Variants in TRAPPC3 observed in about 807,000 individuals in gnomAD.
TRAPPC3 encodes the protein trafficking protein particle complex subunit 3, also known as trafficking protein particle complex 3.
Under a neutral mutation model 18.2 loss-of-function variants are expected in TRAPPC3, and 5 were observed. The observed-to-expected ratio is 0.28, with a 90% CI of 0.14 to 0.58. TRAPPC3 has a LOEUF of 0.58. TRAPPC3 is among the 20% of genes least tolerant of loss of function. The pLI is 0.91. For missense variants in TRAPPC3, 176 were observed against 225.9 expected (o/e 0.78, Z 1.41); for synonymous variants, 65 against 84.2 (o/e 0.77, Z 1.25).
chr1:36,139,065 A>G (rs2124142348), intron 3 of TRAPPC3, among the ~76,000 whole-genome samples: 1 of 151,904 alleles, frequency 6.6e-6, no homozygotes, highest in African/African-American at 2.4e-5. Flanking sequence ...AAAAAAAAAA[A>G]AGATGAGGTC....
chr1:36,142,182 G>C (rs929422289), intron 1 of TRAPPC3, among the ~76,000 whole-genome samples: 6 of 114,770 alleles, frequency 5.2e-5, no homozygotes, highest in African/African-American at 1.6e-4. Flanking sequence ...AAGAAAGTCA[G>C]TTTCAGGATC....
At chr1:36,142,504 C>T (rs954668417) in intron 1 of TRAPPC3, among the ~76,000 whole-genome samples, 3 of 152,208 alleles carry the variant, frequency 2.0e-5, no homozygotes, top group Non-Finnish European at 2.9e-5. Context: ...TTATCAAGCA[C>T]CTTATACATG....
At chr1:36,152,971 T>A (rs1165036990), upstream of TRAPPC3, among the ~76,000 whole-genome samples, 1 of 152,112 alleles carries the variant, frequency 6.6e-6, no homozygotes, top group Non-Finnish European at 1.5e-5. Context: ...ATATTTCTGA[T>A]CCCCATTCTG....
At chr1:36,143,602 GCAC>G (rs564798380) in intron 1 of TRAPPC3, among the ~76,000 whole-genome samples, 108 of 152,252 alleles carry the variant, frequency 7.1e-4, no homozygotes, top group African/African-American at 2.5e-3. Context: ...CTGAACATAA[GCAC>G]CACATCTCCG....
At chr1:36,139,245 G>C (rs898104305) in intron 3 of TRAPPC3, among the ~76,000 whole-genome samples, 1 of 138,296 alleles carries the variant, frequency 7.2e-6, no homozygotes, top group Non-Finnish European at 1.5e-5. Flanking sequence ...TGCAACCTCC[G>C]CCTCCTGGGT....
At chr1:36,149,160 TCTC>T (rs1296465671) in intron 1 of TRAPPC3, 174 bp downstream of exon 1, 3 of 1,467,340 alleles carry the variant, frequency 2.0e-6, no homozygotes, top group African/African-American at 1.4e-5. Flanking sequence ...CCGGGGAACT[TCTC>T]CGACGGTCCC....
chr1:36,142,769 C>T (rs904643455), intron 1 of TRAPPC3, among the ~76,000 whole-genome samples: 4 of 152,306 alleles, frequency 2.6e-5, no homozygotes, highest in Admixed American at 2.6e-4. Context: ...GTGGCTCATA[C>T]TGGTAATCCC....
chr1:36,138,244 A>T (rs1394837683), intron 3 of TRAPPC3: 1 of 1,540,118 alleles, frequency 6.5e-7, no homozygotes, highest in Non-Finnish European at 8.7e-7. Flanking sequence ...TAGGCATCAT[A>T]CAAGTAAGCA....
At chr1:36,154,350 A>G (rs937822265), upstream of TRAPPC3, among the ~76,000 whole-genome samples, 3 of 152,110 alleles carry the variant, frequency 2.0e-5, no homozygotes, top group African/African-American at 7.2e-5. Context: ...ACTCCCATCC[A>G]TCCATCCATC....
At position 36,137,327 on chromosome 1, in the gene TRAPPC3, G is replaced by T; in HGVS notation, c.424-5C>A. The T allele has an allele frequency of 6.2e-7, 1 of 1,607,226 alleles. No homozygotes were observed. Among genetic ancestry groups the T allele is most frequent in the South Asian group, 1.1e-5 (1 of 90,920 alleles). On this transcript the variant is annotated splice_polypyrimidine_tract_variant and splice_region_variant and intron_variant, in intron 4 of 4. Coordinates refer to ENST00000373166, the MANE Select transcript of TRAPPC3 (RefSeq NM_014408.5). ...GGCCTCCACAGCCATCTGGACCTGG[G>T]GGACAGTGGGAAAACGAAGGGGTAG...
At chr1:36,143,263 G>C (rs1210201024) in intron 1 of TRAPPC3, among the ~76,000 whole-genome samples, 1 of 151,772 alleles carries the variant, frequency 6.6e-6, no homozygotes, top group East Asian at 1.9e-4. Context: ...TGGGGGGGTG[G>C]TTAATTTTAA....
upstream of TRAPPC3, among the ~76,000 whole-genome samples, chr1:36,151,420 CTTT>C (rs1449507884): frequency 1.3e-5 from 2 of 151,936 alleles, no homozygotes; most frequent in African/African-American, 2.4e-5. Context: ...TGTTTATTTA[CTTT>C]TTTAACAAAA....
chr1:36,151,833 C>T (rs1370048891), upstream of TRAPPC3, among the ~76,000 whole-genome samples: 2 of 152,192 alleles, frequency 1.3e-5, no homozygotes, highest in Admixed American at 6.5e-5. Flanking sequence ...AGACTCTCTC[C>T]TGGGAACCCA....
chr1:36,151,478 T>G (rs1644271358), upstream of TRAPPC3, among the ~76,000 whole-genome samples: 1 of 152,054 alleles, frequency 6.6e-6, no homozygotes, highest in Non-Finnish European at 1.5e-5. Flanking sequence ...AGCATTGTGG[T>G]GTGCACCTCT....
In TRAPPC3 at chr1:36,139,778, G is replaced by C; in HGVS notation, c.182C>G (p.Ala61Gly). 1 of 1,614,118 alleles carries C rather than the reference G, an allele frequency of 6.2e-7. No individual in the cohort carries two copies. The highest frequency in any genetic ancestry group is 8.5e-7 in the Non-Finnish European group (1 of 1,180,024). ...ATGGCACCTCCCAACATTTGACCGA[G>C]CCAAGAAATCTTCAATCAGCCGGAC... ...IGVRLIEDFL[A>G]RSNVGRCHDF... is the part of the protein sequence containing the mutation. The change falls in exon 3 of 5, where the codon GCT becomes GGT. Residue 61 changes from alanine to glycine, a missense_variant. Coordinates refer to ENST00000373166, the MANE Select transcript of TRAPPC3 (RefSeq NM_014408.5).
In TRAPPC3 at chr1:36,155,165, G is replaced by A. The variant is rs116915500; in HGVS notation, c.-97+718C>T. ...AAGTCAGGACAAAGGGCAGGGCCAG[G>A]GTGGGCAGGGCACAGCTGCCCCTCC... On this transcript the variant is annotated intron_variant, in intron 1 of 4. Transcript: ENST00000617904. Among the ~76,000 whole-genome samples the A allele has an allele frequency of 0.016, 2,407 of 152,318 alleles. 149 individuals are homozygous for A. The East Asian group carries it at 0.21, about 14-fold the overall frequency.
intron 1 of TRAPPC3, among the ~76,000 whole-genome samples, chr1:36,145,562 C>T (rs982325340): frequency 2.0e-5 from 3 of 152,080 alleles, no homozygotes; most frequent in African/African-American, 7.2e-5. Flanking sequence ...TAAGCCAACG[C>T]AAGAGAAGGG....
intron 3 of TRAPPC3, among the ~76,000 whole-genome samples, chr1:36,138,818 G>A (rs1644063299): frequency 2.0e-5 from 3 of 151,976 alleles, no homozygotes; most frequent in African/African-American, 7.2e-5. Flanking sequence ...ATCACCTGAG[G>A]TGGGGAGTTC....
chr1:36,153,662 T>C (rs1335638643), upstream of TRAPPC3, among the ~76,000 whole-genome samples: 4 of 152,154 alleles, frequency 2.6e-5, no homozygotes, highest in African/African-American at 9.7e-5. Context: ...ACGCGGTAGC[T>C]GCCATGTTTA....
Sources: gnomAD v4.1 joint callset for allele counts (sites outside exome capture counted in the v4.1 genomes callset) on GRCh38, gnomAD v4.1.1 for gene constraint, MANE v1.5 for transcripts, NCBI Gene and HGNC (gene_info 2026-07-23, HGNC 2026-07-21) for gene names.